TTC33: variants seen among roughly 807,000 people sequenced by gnomAD.
TTC33 encodes the protein tetratricopeptide repeat protein 33.
TTC33 carries 24 observed loss-of-function variants against 29.4 expected under a neutral mutation model. The observed-to-expected ratio is 0.82, with a 90% CI of 0.59 to 1.15. TTC33 has a LOEUF of 1.15. Among genes scored for constraint, TTC33 ranks in the 50% most tolerant of loss-of-function variants. The pLI, the probability that TTC33 is intolerant of heterozygous loss-of-function variation, is 0.00. For missense variants in TTC33, 286 were observed against 310.4 expected (o/e 0.92, Z 0.59); for synonymous variants, 107 against 100.3 (o/e 1.07, Z -0.40).
At chr5:40,753,883 C>T (rs29744) in intron 1 of TTC33, among the ~76,000 whole-genome samples, 103,620 of 151,062 alleles carry the variant, frequency 0.69, 35,479 homozygotes, top group East Asian at 0.8. Flanking sequence ...TGGAGGTAAA[C>T]TACAATAAAA....
chr5:40,751,974 A>G (rs1444366512), intron 1 of TTC33, among the ~76,000 whole-genome samples: 1 of 152,124 alleles, frequency 6.6e-6, no homozygotes, highest in East Asian at 1.9e-4. Flanking sequence ...AAAAAAAAAA[A>G]AAAAGAAAAT....
intron 2 of TTC33, among the ~76,000 whole-genome samples, chr5:40,734,996 C>T (rs973161780): frequency 2.6e-5 from 4 of 152,126 alleles, no homozygotes; most frequent in Non-Finnish European, 4.4e-5. Context: ...AGTGACAAAA[C>T]GTGGTCAGAC....
intron 2 of TTC33, among the ~76,000 whole-genome samples, chr5:40,741,175 G>A (rs753639390): frequency 6.6e-6 from 1 of 152,186 alleles, no homozygotes; most frequent in Non-Finnish European, 1.5e-5. Flanking sequence ...GACTAAAAAT[G>A]TTAGGCTCTA....
intron 4 of TTC33, among the ~76,000 whole-genome samples, chr5:40,722,763 G>A (rs544918456): frequency 1.5e-4 from 23 of 151,322 alleles, no homozygotes; most frequent in East Asian, 1.4e-3. Flanking sequence ...CAGACGCCCC[G>A]TCCCGGAGGT....
intron 4 of TTC33, among the ~76,000 whole-genome samples, chr5:40,724,664 AC>A (rs995067465): frequency 7.9e-5 from 12 of 151,990 alleles, no homozygotes; most frequent in Admixed American, 1.3e-4. Context: ...ACAAAAAAAA[AC>A]AGAACAATAA....
intron 4 of TTC33, among the ~76,000 whole-genome samples, chr5:40,722,813 G>A (rs1395423715): frequency 2.6e-5 from 4 of 151,260 alleles, no homozygotes; most frequent in Non-Finnish European, 4.4e-5. Flanking sequence ...CCATCCGGGA[G>A]GTGGGGGGCG....
At chr5:40,717,242 A>G (rs1216338482) in intron 4 of TTC33, among the ~76,000 whole-genome samples, 1 of 151,804 alleles carries the variant, frequency 6.6e-6, no homozygotes, top group Non-Finnish European at 1.5e-5. Flanking sequence ...AAAAAAAAAA[A>G]AAAAAGATTT....
At chr5:40,747,798 C>A (rs1742824630) in intron 1 of TTC33, among the ~76,000 whole-genome samples, 1 of 152,126 alleles carries the variant, frequency 6.6e-6, no homozygotes, top group African/African-American at 2.4e-5. Flanking sequence ...TCTTGTTTCA[C>A]TCCTGATTCA....
Position 40,712,339 on chromosome 5 carries a change from G to A in TTC33, c.*3806C>T, listed in dbSNP as rs1025174191. Among the ~76,000 whole-genome samples, 7 of 152,038 alleles carry A rather than the reference G, an allele frequency of 4.6e-5. No individual in the cohort carries two copies. Among genetic ancestry groups the A allele is most frequent in the African/African-American group, 7.2e-5 (3 of 41,424 alleles). On this transcript the variant is annotated 3_prime_UTR_variant, in exon 5 of 5. Transcript: ENST00000337702. ...TTTTAATATATCTCATGCTTACTTC[G>A]AAATATAATCTGCACTAGTCTTTGT...
chr5:40,749,071 A>C (rs185615931), intron 1 of TTC33, among the ~76,000 whole-genome samples: 1 of 152,340 alleles, frequency 6.6e-6, no homozygotes, highest in African/African-American at 2.4e-5. Context: ...GGTTGCAGTG[A>C]GCCTGGGCAA....
intron 2 of TTC33, among the ~76,000 whole-genome samples, chr5:40,730,609 C>T (rs1284417501): frequency 5.3e-5 from 8 of 152,164 alleles, no homozygotes; most frequent in Non-Finnish European, 1.0e-4. Flanking sequence ...CCCCCTCCTC[C>T]ACCCCCGGGC....
At chr5:40,741,587 A>G (rs1468738263) in intron 2 of TTC33, among the ~76,000 whole-genome samples, 1 of 152,172 alleles carries the variant, frequency 6.6e-6, no homozygotes, top group African/African-American at 2.4e-5. Context: ...TAGCTGTGTC[A>G]GCCTCTCCAA....
At position 40,713,099 on chromosome 5, in the gene TTC33, G is replaced by A. The variant is rs1242530408; in HGVS notation, c.*3046C>T. Among the ~76,000 whole-genome samples, 3 of 151,322 alleles carry A rather than the reference G, an allele frequency of 2.0e-5. No individual in the cohort carries two copies. The highest frequency in any genetic ancestry group is 7.3e-5 in the African/African-American group (3 of 41,204). On this transcript the variant is annotated 3_prime_UTR_variant, in exon 5 of 5. Coordinates refer to ENST00000337702, the MANE Select transcript of TTC33 (RefSeq NM_012382.3). ...CATCAGTTTAATAATAATCTCTAAG[G>A]AAGAAAAAAACACATTTAAGATATC... is the stretch of plus-strand genomic sequence containing the variant.
chr5:40,736,187 C>A (rs138658628), intron 2 of TTC33, among the ~76,000 whole-genome samples: 2 of 152,194 alleles, frequency 1.3e-5, no homozygotes, highest in East Asian at 3.9e-4. Context: ...GGCACAAATA[C>A]AGTAAGGTTG....
chr5:40,742,709 C>A (rs139921319), intron 2 of TTC33, among the ~76,000 whole-genome samples: 7 of 152,178 alleles, frequency 4.6e-5, no homozygotes, highest in African/African-American at 1.7e-4. Context: ...AAGAATAAGA[C>A]CCAGAATAGA....
At chr5:40,717,879 G>A (rs1034329497) in intron 4 of TTC33, among the ~76,000 whole-genome samples, 14 of 151,902 alleles carry the variant, frequency 9.2e-5, no homozygotes, top group Admixed American at 3.3e-4. Context: ...GCCTGGCCAT[G>A]GTGAAAACCC....
At chr5:40,724,985 TAC>T (rs1157956152) in intron 4 of TTC33, among the ~76,000 whole-genome samples, 1 of 151,610 alleles carries the variant, frequency 6.6e-6, no homozygotes, top group Non-Finnish European at 1.5e-5. Flanking sequence ...TAGCTGGAAC[TAC>T]AGGCACACAC....
chr5:40,730,296 G>A lies in TTC33; in HGVS notation c.269C>T (p.Pro90Leu), dbSNP rs761762250. ...CATCTCGTATAGGGTAGCATCATTT[G>A]GAGTTAACTGTAGTGCTTCATCCCA... ...QKWDEALQLT[P>L]NDATLYEMKS... is the part of the protein sequence containing the mutation. The change falls in exon 3 of 5, where the codon CCA (proline) becomes CTA (leucine). Residue 90 changes from proline to leucine, a missense_variant. Pro to Leu is a moderately conservative substitution (Grantham distance 98, BLOSUM62 -3). Transcript: ENST00000337702. 6.2e-7 allele frequency: 1 copy of A among 1,611,640 alleles called. No homozygotes were observed. The highest frequency in any genetic ancestry group is 8.5e-7 in the Non-Finnish European group (1 of 1,178,526).
chr5:40,747,878 T>G lies in TTC33; in HGVS notation c.-1-859A>C, dbSNP rs775208575. The stretch of plus-strand genomic sequence containing the variant: ...TTTGCTCTTGTTGCCCAAGCTGTAG[T>G]GCAACGGCCCGATCTCGGATCACTG... On this transcript the variant is annotated intron_variant, in intron 1 of 4. Coordinates refer to ENST00000337702, the MANE Select transcript of TTC33 (RefSeq NM_012382.3). 5.3e-5 allele frequency among the ~76,000 whole-genome samples: 8 copies of G among 152,302 alleles called. No homozygotes were observed. The East Asian group carries it at 1.5e-3, about 29-fold the overall frequency.
Sources: gnomAD v4.1 joint callset for allele counts (sites outside exome capture counted in the v4.1 genomes callset) on GRCh38, gnomAD v4.1.1 for gene constraint, MANE v1.5 for transcripts, NCBI Gene and HGNC (gene_info 2026-07-23, HGNC 2026-07-21) for gene names.